BANP: variants seen among roughly 807,000 people sequenced by gnomAD.
BANP encodes BTG3 associated nuclear protein.
A neutral mutation model predicts 68.1 loss-of-function variants in BANP; 11 were observed. That is an observed-to-expected ratio of 0.16 (90% CI 0.10 to 0.27). The LOEUF (loss-of-function observed/expected upper bound fraction) is 0.27. Among genes scored for constraint, BANP ranks in the 10% least tolerant of loss-of-function variants. The pLI is 1.00. For missense variants in BANP, 504 were observed against 722.7 expected, an observed-to-expected ratio of 0.70 and a Z score of 3.47; for synonymous variants, 329 against 303.2, an observed-to-expected ratio of 1.09 and a Z score of -0.88.
At chr16:88,015,992 G>A (rs138738844) in intron 6 of BANP, among the ~76,000 whole-genome samples, 17 of 152,312 alleles carry the variant, frequency 1.1e-4, no homozygotes, top group Admixed American at 5.9e-4. Context: ...ACCTTGCAGT[G>A]GGACAGTTCC....
intron 12 of BANP, among the ~76,000 whole-genome samples, chr16:88,068,401 T>G (rs75850410): frequency 0.013 from 1,934 of 152,258 alleles, 48 homozygotes; most frequent in African/African-American, 0.045. Flanking sequence ...TTGCCTGGTG[T>G]TCAGGAGTTT....
At chr16:87,972,652 G>A (rs751162470) in intron 1 of BANP, among the ~76,000 whole-genome samples, 4 of 152,106 alleles carry the variant, frequency 2.6e-5, no homozygotes, top group African/African-American at 9.7e-5. Flanking sequence ...AGTGTTTTGG[G>A]TTCTTTCCTG....
At chr16:88,022,302 G>A (rs1210068330) in intron 7 of BANP, among the ~76,000 whole-genome samples, 1 of 152,182 alleles carries the variant, frequency 6.6e-6, no homozygotes, top group Admixed American at 6.5e-5. Flanking sequence ...CTTTTCTAAA[G>A]AATGCTGTCT....
intron 1 of BANP, among the ~76,000 whole-genome samples, chr16:87,951,887 C>T (rs1294604408): frequency 6.6e-6 from 1 of 152,180 alleles, no homozygotes; most frequent in South Asian, 2.1e-4. Flanking sequence ...TAGAACCGCG[C>T]CCGGGCTCCT....
intron 12 of BANP, among the ~76,000 whole-genome samples, chr16:88,069,957 C>T (rs1304091088): frequency 6.6e-6 from 1 of 152,184 alleles, no homozygotes; most frequent in Non-Finnish European, 1.5e-5. Context: ...CCTGTTCCTC[C>T]TCTTCCCCCC....
At chr16:88,046,946 C>G (rs879356227) in intron 11 of BANP, among the ~76,000 whole-genome samples, 12 of 151,938 alleles carry the variant, frequency 7.9e-5, no homozygotes, top group Admixed American at 6.5e-4. Flanking sequence ...GGCGCCTGTA[C>G]TCCCAGCTAC....
At chr16:87,983,082 C>T (rs1290953296) in intron 3 of BANP, among the ~76,000 whole-genome samples, 3 of 152,096 alleles carry the variant, frequency 2.0e-5, no homozygotes, top group Non-Finnish European at 1.5e-5. Context: ...CCTCCCCCTT[C>T]CTTCTGATGT....
chr16:88,045,682 A>T (rs1251394558), intron 11 of BANP, among the ~76,000 whole-genome samples: 1 of 150,422 alleles, frequency 6.6e-6, no homozygotes, highest in African/African-American at 2.5e-5. Context: ...TGCCACCCTG[A>T]CCACAGCACC....
Position 88,076,689 on chromosome 16 carries a change from C to T in BANP, c.*28C>T, listed in dbSNP as rs761340949. On this transcript the variant is annotated 3_prime_UTR_variant, in exon 14 of 14. Coordinates refer to ENST00000682872, the MANE Select transcript of BANP (RefSeq NM_001386991.1). ...GGTGCCCATGGCACCAGGAGCCCCT[C>T]GCCGGCTCCGCCTACGGCCCGGCCC... 1.4e-5 allele frequency: 23 copies of T among 1,586,642 alleles called. No individual in the cohort carries two copies. Among genetic ancestry groups the T allele is most frequent in the Non-Finnish European group, 1.6e-5 (19 of 1,168,038 alleles).
chr16:87,962,362 G>A (rs1295505487), intron 1 of BANP, among the ~76,000 whole-genome samples: 1 of 151,350 alleles, frequency 6.6e-6, no homozygotes, highest in East Asian at 1.9e-4. Context: ...GTGTTAATTT[G>A]TATGATTTTT....
chr16:87,999,900 A>C (rs1283154068), intron 4 of BANP, among the ~76,000 whole-genome samples: 1 of 65,142 alleles, frequency 1.5e-5, no homozygotes, highest in Admixed American at 1.6e-4. Flanking sequence ...GTCCTTCCAG[A>C]CACCCAGACA....
chr16:87,965,831 T>A (rs1362388054), intron 1 of BANP, among the ~76,000 whole-genome samples: 1 of 152,180 alleles, frequency 6.6e-6, no homozygotes, highest in Non-Finnish European at 1.5e-5. Context: ...AGAAACAGTT[T>A]CACAGGTAAT....
In BANP at chr16:88,064,266, G is replaced by A. The variant is rs543992892; in HGVS notation, c.1312-1001G>A. Among the ~76,000 whole-genome samples, 1 of 152,166 alleles carries A rather than the reference G, an allele frequency of 6.6e-6. No homozygotes were observed. Among genetic ancestry groups the A allele is most frequent in the African/African-American group, 2.4e-5 (1 of 41,432 alleles). ...TGAGGCAGTTGTGCGTCCACGGCGG[G>A]GCCTGCCTCCGTGGCAGCGCTCCCA... is the stretch of plus-strand genomic sequence containing the variant. On this transcript the variant is annotated intron_variant, in intron 11 of 13. Transcript: ENST00000682872. This position sits in a 1 kb window ranked among gnomAD's most constrained non-coding sequence, Gnocchi z 4.5.
chr16:88,029,347 C>T (rs1027119390), intron 8 of BANP, among the ~76,000 whole-genome samples: 3 of 147,712 alleles, frequency 2.0e-5, no homozygotes, highest in Admixed American at 1.4e-4. Context: ...CTGTGGCTCA[C>T]GCATGTAATC....
intron 1 of BANP, among the ~76,000 whole-genome samples, chr16:87,964,216 G>A (rs1205978214): frequency 2.0e-5 from 3 of 152,214 alleles, no homozygotes; most frequent in Non-Finnish European, 4.4e-5. Context: ...GGGGAATGAC[G>A]TCAGTGGTGT....
At chr16:88,031,654 A>G (rs1397682438) in intron 8 of BANP, among the ~76,000 whole-genome samples, 1 of 151,942 alleles carries the variant, frequency 6.6e-6, no homozygotes, top group Non-Finnish European at 1.5e-5. Flanking sequence ...CTCTCAAAAA[A>G]AAAAAAAAAG....
chr16:88,005,194 G>C (rs1212703943), intron 5 of BANP, among the ~76,000 whole-genome samples: 1 of 152,158 alleles, frequency 6.6e-6, no homozygotes, highest in East Asian at 1.9e-4. Flanking sequence ...GTGATGGGCG[G>C]TGAGGAGGTG....
At chr16:88,001,209 TCCAGACAC>T (rs1199897867) in intron 4 of BANP, among the ~76,000 whole-genome samples, 1 of 98,756 alleles carries the variant, frequency 1.0e-5, no homozygotes, top group Non-Finnish European at 1.9e-5. Flanking sequence ...TACCTGTCCT[TCCAGACAC>T]CCAGACACGT....
Position 88,032,741 on chromosome 16 carries a change from C to A in BANP, c.1064-368C>A. Among the ~76,000 whole-genome samples, 2 of 152,142 alleles carry A rather than the reference C, an allele frequency of 1.3e-5. 1 individual carries two copies. The highest frequency in any genetic ancestry group is 4.8e-5 in the African/African-American group (2 of 41,428). ...TGTTGGAAATGTATCTTTAAGTGTG[C>A]GGATGAGACTTTTGCTCTATTAGTT... is the stretch of plus-strand genomic sequence containing the variant. On this transcript the variant is annotated intron_variant, in intron 8 of 13. Coordinates refer to ENST00000682872, the MANE Select transcript of BANP (RefSeq NM_001386991.1).
Sources: allele counts gnomAD v4.1 joint callset (sites outside exome capture counted in the v4.1 genomes callset), GRCh38; gene constraint gnomAD v4.1.1; non-coding constraint Gnocchi (gnomAD v3.1); transcripts MANE v1.5; gene names NCBI Gene and HGNC (gene_info 2026-07-23, HGNC 2026-07-21).